The following MIPEP variants were observed in gnomAD, a reference collection of about 807,000 sequenced individuals.
The protein encoded by MIPEP is mitochondrial intermediate peptidase.
MIPEP carries 79 observed loss-of-function variants against 90.3 expected under a neutral mutation model. The ratio of observed to expected loss-of-function variants is 0.87; its 90% confidence interval spans 0.73 to 1.05. MIPEP has a LOEUF of 1.05. Among genes scored for constraint, MIPEP ranks in the 50% least tolerant of loss-of-function variants. The pLI is 0.00. For synonymous variants in MIPEP, 334 were observed against 315.8 expected, an observed-to-expected ratio of 1.06 and a Z score of -0.61; for missense variants, 940 against 905.6, an observed-to-expected ratio of 1.04 and a Z score of -0.49.
chr13:23,768,578 A>T (rs1952616560), intron 16 of MIPEP, among the ~76,000 whole-genome samples: 1 of 152,094 alleles, frequency 6.6e-6, no homozygotes, highest in African/African-American at 2.4e-5. Flanking sequence ...AAACAAAAAC[A>T]ACCCAAAAAT....
chr13:23,874,966 A>T, intron 4 of MIPEP, 57 bp from the exon 5 acceptor site: 1 of 1,507,636 alleles, frequency 6.6e-7, no homozygotes, highest in Non-Finnish European at 8.9e-7. Flanking sequence ...TAACAAAAAA[A>T]TTGTGGTTTT....
At chr13:23,878,475 A>G (rs1871155149) in intron 4 of MIPEP, among the ~76,000 whole-genome samples, 1 of 152,220 alleles carries the variant, frequency 6.6e-6, no homozygotes, top group South Asian at 2.1e-4. Context: ...ATGGAGACAA[A>G]ATAGAAGGAA....
rs3077653 is a variant in MIPEP at position 23,771,530 on chromosome 13, TACACACACAC to T, written c.1849-11323_1849-11314del. Among the ~76,000 whole-genome samples, 1,409 of 146,076 alleles carry T rather than the reference TACACACACAC, an allele frequency of 9.6e-3. 11 individuals carry two copies. The highest frequency in any genetic ancestry group is 0.034 in the South Asian group (147 of 4,334). ...GGTAACATGTAACTAATTTGCTGAC[TACACACACAC>T]ACACACACACACACACACACACACA... On this transcript the variant is annotated intron_variant, in intron 16 of 18. Transcript: ENST00000382172.
chr13:23,845,904 G>A (rs1170182829), intron 10 of MIPEP, among the ~76,000 whole-genome samples: 3 of 149,886 alleles, frequency 2.0e-5, no homozygotes, highest in South Asian at 4.2e-4. Context: ...TTCTCTGGTG[G>A]TTTCTCTATT....
chr13:23,740,183 C>T (rs989208651), intron 18 of MIPEP, among the ~76,000 whole-genome samples: 3 of 152,200 alleles, frequency 2.0e-5, no homozygotes, highest in Non-Finnish European at 4.4e-5. Context: ...CAACAGTGTG[C>T]AGGCAGACAC....
At chr13:23,886,608 C>T in intron 1 of MIPEP, 102 bp from the exon 2 acceptor site, 1 of 953,006 alleles carries the variant, frequency 1.0e-6, no homozygotes, top group Non-Finnish European at 1.5e-6. Flanking sequence ...TCTTGACTTT[C>T]ATTGGTGTAT....
At chr13:23,882,171 G>A (rs578076274) in intron 2 of MIPEP, among the ~76,000 whole-genome samples, 2 of 150,706 alleles carry the variant, frequency 1.3e-5, no homozygotes, top group East Asian at 2.0e-4. Context: ...TCGGGTTCAC[G>A]CCATTCTCCT....
intron 10 of MIPEP, among the ~76,000 whole-genome samples, chr13:23,850,121 C>A (rs112500954): frequency 1.3e-5 from 2 of 152,080 alleles, no homozygotes; most frequent in East Asian, 3.9e-4. Context: ...CACGTGTGGG[C>A]GAGGAAAAAA....
At chr13:23,874,729 C>T (rs1870984674) in intron 5 of MIPEP, 117 bp downstream of exon 5, 3 of 778,944 alleles carry the variant, frequency 3.9e-6, no homozygotes, top group South Asian at 2.3e-5. Context: ...AGATAAAAGA[C>T]CTGCACGTTT....
At chr13:23,886,529 G>T in intron 1 of MIPEP, 23 bp from the exon 2 acceptor site, 2 of 1,502,078 alleles carry the variant, frequency 1.3e-6, no homozygotes, top group South Asian at 2.7e-5. Context: ...GAATACGTCT[G>T]ATTTATAACC....
intron 12 of MIPEP, among the ~76,000 whole-genome samples, chr13:23,838,849 G>A (rs1470682500): frequency 6.6e-6 from 1 of 152,104 alleles, no homozygotes; most frequent in Non-Finnish European, 1.5e-5. Context: ...AAATCATCTC[G>A]GAAAATAATT....
At chr13:23,885,593 TA>T (rs774253826) in intron 2 of MIPEP, among the ~76,000 whole-genome samples, 58 of 143,238 alleles carry the variant, frequency 4.0e-4, no homozygotes, top group Admixed American at 5.6e-4. Flanking sequence ...AAATTAAAAA[TA>T]AAAAAAAAAG....
chr13:23,767,962 A>T (rs571226096), intron 16 of MIPEP, among the ~76,000 whole-genome samples: 1 of 152,250 alleles, frequency 6.6e-6, no homozygotes, highest in East Asian at 1.9e-4. Context: ...CAGTGACTGC[A>T]TTTCCCAGAT....
rs562402302 is a variant in MIPEP, at chr13:23,867,031, T to C, written c.943+2261A>G. Among the ~76,000 whole-genome samples, 27 of 152,150 alleles carry C rather than the reference T, an allele frequency of 1.8e-4. 1 individual carries two copies. In the South Asian group the frequency reaches 5.6e-3, roughly 32 times the overall value. On this transcript the variant is annotated intron_variant, in intron 7 of 18. Transcript: ENST00000382172. Reference sequence around the variant, plus strand: ...CTGGTCAAGATGCCAACACTTCTCATCATGGTTACTGCAAAACAGCATCTA... The same window carrying C: ...CTGGTCAAGATGCCAACACTTCTCACCATGGTTACTGCAAAACAGCATCTA...
chr13:23,744,369 G>C (rs1005059493), intron 18 of MIPEP, among the ~76,000 whole-genome samples: 3 of 151,982 alleles, frequency 2.0e-5, no homozygotes, highest in African/African-American at 7.2e-5. Context: ...AATTATGAAA[G>C]AGCAAGGGAA....
intron 16 of MIPEP, among the ~76,000 whole-genome samples, chr13:23,781,964 A>G (rs1005678946): frequency 6.6e-6 from 1 of 152,044 alleles, no homozygotes. Context: ...GCAAGTCCTT[A>G]GAGATCTACA....
chr13:23,877,369 G>A (rs1482136284), intron 4 of MIPEP, among the ~76,000 whole-genome samples: 8 of 152,086 alleles, frequency 5.3e-5, no homozygotes, highest in Admixed American at 4.6e-4. Context: ...TCATTCCAAC[G>A]TGTGTTACAG....
At chr13:23,825,561 A>G (rs1484037513) in intron 14 of MIPEP, among the ~76,000 whole-genome samples, 1 of 152,246 alleles carries the variant, frequency 6.6e-6, no homozygotes, top group Non-Finnish European at 1.5e-5. Flanking sequence ...TATGAGACAC[A>G]TTGTCAGAAG....
intron 16 of MIPEP, among the ~76,000 whole-genome samples, chr13:23,784,401 T>C (rs991013793): frequency 1.1e-4 from 17 of 152,314 alleles, no homozygotes; most frequent in African/African-American, 4.1e-4. Context: ...GATTCCCTCT[T>C]TAATAAATGG....
Sources: allele counts gnomAD v4.1 joint callset (sites outside exome capture counted in the v4.1 genomes callset), GRCh38; gene constraint gnomAD v4.1.1; transcripts MANE v1.5; gene names NCBI Gene and HGNC (gene_info 2026-07-23, HGNC 2026-07-21).